The following CCDC124 variants were observed in gnomAD, a reference collection of about 807,000 sequenced individuals.
CCDC124 encodes the protein coiled-coil domain-containing protein 124.
CCDC124 carries 9 observed loss-of-function variants against 19.8 expected under a neutral mutation model. The observed-to-expected ratio is 0.45, with a 90% CI of 0.27 to 0.79. The LOEUF (loss-of-function observed/expected upper bound fraction) is 0.79. CCDC124 is among the 30% of genes least tolerant of loss of function. The pLI is 0.14. For synonymous variants in CCDC124, 126 were observed against 131.3 expected, an observed-to-expected ratio of 0.96 and a Z score of 0.27; for missense variants, 285 against 319.0, an observed-to-expected ratio of 0.89 and a Z score of 0.81.
chr19:17,936,327 G>A (rs1235169652), intron 1 of CCDC124, 83 bp from the exon 2 acceptor site: 34 of 1,200,744 alleles, frequency 2.8e-5, no homozygotes, highest in African/African-American at 9.2e-5. Flanking sequence ...GAGGGTCATG[G>A]CTGCCCAAGT....
At position 17,942,790 on chromosome 19, in the gene CCDC124, C is replaced by G; in HGVS notation, c.294C>G (p.Ala98=). 1 of 1,545,308 alleles carries G rather than the reference C, an allele frequency of 6.5e-7. No homozygotes were observed. Among genetic ancestry groups the G allele is most frequent in the Non-Finnish European group, 8.7e-7 (1 of 1,145,456 alleles). Reference sequence around the variant, plus strand: ...CCACGTCCAGCAAGGTCACCCGGGCCCAGATCGAGGACACGCTGCGCCGAG... The same window carrying G: ...CCACGTCCAGCAAGGTCACCCGGGCGCAGATCGAGGACACGCTGCGCCGAG... ...RVATSSKVTR[A]QIEDTLRRDH... Residue 98 remains alanine (A), a synonymous_variant, in exon 3 of 5, where the codon GCC becomes GCG. Coordinates refer to ENST00000445755, the MANE Select transcript of CCDC124 (RefSeq NM_001136203.2). This position sits in a 1 kb window ranked among gnomAD's most constrained non-coding sequence, Gnocchi z 4.2.
Position 17,943,241 on chromosome 19 carries a change from T to TGGGGGGGGGGGC in CCDC124, c.350-20_350-19insGGGGGGGGGGGC. ...CTTTGCTTATCTCTCTCTGTCTCTG[T>TGGGGGGGGGGGC]CACCCACCCACCCGCCCAGCCGAGA... On this transcript the variant is annotated intron_variant, in intron 3 of 4. Coordinates refer to ENST00000445755, the MANE Select transcript of CCDC124 (RefSeq NM_001136203.2). 2 of 736,674 alleles carry TGGGGGGGGGGGC rather than the reference T, an allele frequency of 2.7e-6. No individual in the cohort carries two copies. Among genetic ancestry groups the TGGGGGGGGGGGC allele is most frequent in the Non-Finnish European group, 2.4e-6 (1 of 414,970 alleles). 45.6% of individuals were successfully genotyped at this position (736,674 alleles called of 1,614,324 possible). A position where few individuals can be genotyped will look rare whatever the true frequency, so the allele number is the denominator to read the frequency against.
chr19:17,943,890 G>A lies in CCDC124; in HGVS notation c.*175G>A, dbSNP rs562161463. 5.2e-5 allele frequency: 33 copies of A among 632,168 alleles called. No homozygotes were observed. The highest frequency in any genetic ancestry group is 8.8e-5 in the Non-Finnish European group (32 of 363,270). 39.2% of individuals were successfully genotyped at this position (632,168 alleles called of 1,614,324 possible). ...CCTCCCGCCAGAGGGTCCCTGCCCCGAGTGACACCCCATCCCCTCCCATCC... is the reference window on the plus strand; with the variant it reads ...CCTCCCGCCAGAGGGTCCCTGCCCCAAGTGACACCCCATCCCCTCCCATCC... On this transcript the variant is annotated 3_prime_UTR_variant, in exon 5 of 5. Transcript: ENST00000445755.
chr19:17,942,101 C>T lies in CCDC124; in HGVS notation c.160-555C>T, dbSNP rs993254213. Among the ~76,000 whole-genome samples the T allele has an allele frequency of 6.6e-6, 1 of 152,170 alleles. No homozygotes were observed. Among genetic ancestry groups the T allele is most frequent in the African/African-American group, 2.4e-5 (1 of 41,440 alleles). On this transcript the variant is annotated intron_variant, in intron 2 of 4. Transcript: ENST00000445755. This position sits in a 1 kb window ranked among gnomAD's most constrained non-coding sequence, Gnocchi z 4.2. ...TGGGCGGCCGATGTGGAATCAGTTT[C>T]AGCCTCAGTGACCCACGGCAGGGAA...
At chr19:17,941,410 G>C (rs2031176824) in intron 2 of CCDC124, among the ~76,000 whole-genome samples, 1 of 151,860 alleles carries the variant, frequency 6.6e-6, no homozygotes, top group African/African-American at 2.4e-5. Context: ...TATTTGGGAG[G>C]CTGAGGCATG....
rs185460346 is a variant in CCDC124, at chr19:17,938,317, G to A, written c.159+1738G>A. Among the ~76,000 whole-genome samples the A allele has an allele frequency of 6.6e-5, 10 of 152,308 alleles. No individual in the cohort carries two copies. The East Asian group carries it at 1.5e-3, about 24-fold the overall frequency. On this transcript the variant is annotated intron_variant, in intron 2 of 4. Coordinates refer to ENST00000445755, the MANE Select transcript of CCDC124 (RefSeq NM_001136203.2). ...ATCGTGCTACTGTACTCCAGCCTGGGCAACAGAATGAGACTGTGACTCAAG... is the reference window on the plus strand; with the variant it reads ...ATCGTGCTACTGTACTCCAGCCTGGACAACAGAATGAGACTGTGACTCAAG...
chr19:17,933,601 G>T (rs934556663), intron 1 of CCDC124, among the ~76,000 whole-genome samples: 8 of 152,088 alleles, frequency 5.3e-5, no homozygotes, highest in African/African-American at 1.2e-4. Flanking sequence ...CATAGATTGG[G>T]CTTCCCGGCT....
At chr19:17,933,215 C>G (rs1362740261) in intron 1 of CCDC124, among the ~76,000 whole-genome samples, 167 bp downstream of exon 1, 1 of 152,194 alleles carries the variant, frequency 6.6e-6, no homozygotes, top group Non-Finnish European at 1.5e-5. Flanking sequence ...GGGCGATGCC[C>G]ATTTCCAGAC....
rs11555958 is a variant in CCDC124, at chr19:17,943,301, G to A, written c.390G>A (p.Glu130=). The change falls in exon 4 of 5, where the codon GAG becomes GAA. Residue 130 remains glutamate, a synonymous_variant. Coordinates refer to ENST00000445755, the MANE Select transcript of CCDC124 (RefSeq NM_001136203.2). The stretch of plus-strand genomic sequence containing the variant: ...GCCATCTGGAGGTGCCGCTGGAGGA[G>A]AACGTGAACCGCCGCGTGCTGGAGG... The part of the protein sequence containing the change: ...AKSHLEVPLE[E]NVNRRVLEEG... 3,613 of 1,591,578 alleles carry A rather than the reference G, an allele frequency of 2.3e-3. 92 individuals are homozygous for A. In the African/African-American group the frequency reaches 0.044, roughly 19 times the overall value.
In CCDC124 at chr19:17,936,226, A is replaced by G. The variant is rs878961041; in HGVS notation, c.-11-184A>G. The G allele has an allele frequency of 7.3e-6, 4 of 550,078 alleles. No individual in the cohort carries two copies. In the Admixed American group the frequency reaches 1.3e-4, roughly 18 times the overall value. The allele number at this position is 550,078 out of a possible 1,614,324, so 34.1% of individuals were successfully genotyped here. On this transcript the variant is annotated intron_variant, in intron 1 of 4. Transcript: ENST00000445755. ...GGCCTAAATGAGCTCATTTGGTGTC[A>G]TGATGTGAATTTTGCCTTAATAAAC...
At chr19:17,940,246 T>G (rs959715603) in intron 2 of CCDC124, among the ~76,000 whole-genome samples, 3 of 151,952 alleles carry the variant, frequency 2.0e-5, no homozygotes, top group African/African-American at 7.2e-5. Context: ...CAGCAAAGCA[T>G]GCCTGTCCTA....
chr19:17,938,770 T>C (rs1202851076), intron 2 of CCDC124, among the ~76,000 whole-genome samples: 1 of 151,906 alleles, frequency 6.6e-6, no homozygotes, highest in East Asian at 1.9e-4. Context: ...GTTTGTATTT[T>C]GTGTAGGGGG....
chr19:17,941,935 G>A (rs912542867), intron 2 of CCDC124, among the ~76,000 whole-genome samples: 9 of 152,128 alleles, frequency 5.9e-5, no homozygotes, highest in Non-Finnish European at 1.5e-5. Flanking sequence ...GCCAGGCAGT[G>A]GGCAGAGTAC....
rs376311366 is a variant in CCDC124, at chr19:17,936,456, G to A, written c.36G>A (p.Ser12=). 4 of 1,613,316 alleles carry A rather than the reference G, an allele frequency of 2.5e-6. No homozygotes were observed. Among genetic ancestry groups the A allele is most frequent in the Non-Finnish European group, 1.7e-6 (2 of 1,179,884 alleles). ...PKKFQGENTK[S]AAARARRAEA... Reference sequence around the variant, plus strand: ...AGTTCCAGGGTGAGAACACCAAGTCGGCAGCGGCCCGGGCACGTAGGGCAG... The same window carrying A: ...AGTTCCAGGGTGAGAACACCAAGTCAGCAGCGGCCCGGGCACGTAGGGCAG... The change falls in exon 2 of 5, where the codon TCG becomes TCA. Residue 12 remains serine, a synonymous_variant. Coordinates refer to ENST00000445755, the MANE Select transcript of CCDC124 (RefSeq NM_001136203.2).
chr19:17,935,592 T>G (rs915005357), intron 1 of CCDC124, among the ~76,000 whole-genome samples: 2 of 150,264 alleles, frequency 1.3e-5, no homozygotes, highest in Non-Finnish European at 3.0e-5. Flanking sequence ...AGCTTTTTGG[T>G]TTTTTTTGAG....
At chr19:17,943,137 C>T (rs1411400112) in intron 3 of CCDC124, 124 bp from the exon 4 acceptor site, 3 of 844,020 alleles carry the variant, frequency 3.6e-6, no homozygotes, top group East Asian at 2.6e-5. Context: ...GCGATTCCAT[C>T]CCCCCTCATC....
chr19:17,943,769 C>T lies in CCDC124; in HGVS notation c.*54C>T. ...ACGGGTGGTCCAGGTCACGACTCTG[C>T]ACGCCCTTAGGCCAGGTCAGCTGCG... On this transcript the variant is annotated 3_prime_UTR_variant, in exon 5 of 5. Transcript: ENST00000445755. The T allele has an allele frequency of 6.4e-7, 1 of 1,554,820 alleles. No homozygotes were observed. The highest frequency in any genetic ancestry group is 1.1e-5 in the South Asian group (1 of 87,890).
In CCDC124 at chr19:17,943,243, A is replaced by AGCCCC; in HGVS notation, c.350-18_350-17insGCCCC. The stretch of plus-strand genomic sequence containing the variant: ...TTGCTTATCTCTCTCTGTCTCTGTC[A>AGCCCC]CCCACCCACCCGCCCAGCCGAGAAA... On this transcript the variant is annotated splice_polypyrimidine_tract_variant and intron_variant, in intron 3 of 4. Transcript: ENST00000445755. 214 of 430,362 alleles carry AGCCCC rather than the reference A, an allele frequency of 5.0e-4. No homozygotes were observed. The highest frequency in any genetic ancestry group is 9.8e-4 in the South Asian group (60 of 61,376). 26.7% of individuals were successfully genotyped at this position (430,362 alleles called of 1,614,324 possible). A position where few individuals can be genotyped will look rare whatever the true frequency, so the allele number is the denominator to read the frequency against.
intron 2 of CCDC124, chr19:17,937,115 T>TA (rs2031084006): frequency 6.6e-6 from 1 of 152,170 alleles, no homozygotes; most frequent in South Asian, 2.1e-4. Context: ...ACCCTGACTC[T>TA]ACTCAAAATA....
Sources: gnomAD v4.1 joint callset for allele counts (sites outside exome capture counted in the v4.1 genomes callset) on GRCh38, gnomAD v4.1.1 for gene constraint, Gnocchi (gnomAD v3.1) non-coding constraint, MANE v1.5 for transcripts, NCBI Gene and HGNC (gene_info 2026-07-23, HGNC 2026-07-21) for gene names.